The following PCDHGB1 variants were observed in gnomAD, a reference collection of about 807,000 sequenced individuals.
PCDHGB1 encodes the protein protocadherin gamma-B1.
Under a neutral mutation model 56.6 loss-of-function variants are expected in PCDHGB1, and 34 were observed. The ratio of observed to expected loss-of-function variants is 0.60; its 90% confidence interval spans 0.46 to 0.80. The LOEUF is 0.80. PCDHGB1 is among the 30% of genes least tolerant of loss of function. The pLI, the probability that PCDHGB1 is intolerant of heterozygous loss-of-function variation, is 0.00. For missense variants in PCDHGB1, 1,278 were observed against 1,204.6 expected, an observed-to-expected ratio of 1.06 and a Z score of -0.90; for synonymous variants, 561 against 505.9, an observed-to-expected ratio of 1.11 and a Z score of -1.46.
intron 1 of PCDHGB1, chr5:141,408,115 C>A (rs2095044760): frequency 9.6e-6 from 14 of 1,461,430 alleles, no homozygotes; most frequent in South Asian, 2.9e-5. Flanking sequence ...GGGACTCCTC[C>A]TGTCCTGGGC....
In PCDHGB1 at chr5:141,374,191, C is replaced by T. The variant is rs780279453; in HGVS notation, c.2409+21522C>T. 3.7e-6 allele frequency: 6 copies of T among 1,613,664 alleles called. No individual in the cohort carries two copies. In the East Asian group the frequency reaches 1.1e-4, roughly 30 times the overall value. Reference sequence around the variant, plus strand: ...CAGCGCAGATCCGCTACTCTATTCCCGAGGAGCTGGAGAAAGGCTCCTTCG... The same window carrying T: ...CAGCGCAGATCCGCTACTCTATTCCTGAGGAGCTGGAGAAAGGCTCCTTCG... On this transcript the variant is annotated intron_variant, in intron 1 of 3. Transcript: ENST00000523390.
At chr5:141,357,718 G>T in intron 1 of PCDHGB1, 1 of 1,437,468 alleles carries the variant, frequency 7.0e-7, no homozygotes, top group Middle Eastern at 1.8e-4. Context: ...AAATAAAGTT[G>T]CCTCTTTTAA....
chr5:141,497,775 A>G (rs2099779384), intron 2 of PCDHGB1, among the ~76,000 whole-genome samples: 2 of 152,054 alleles, frequency 1.3e-5, no homozygotes, highest in South Asian at 4.2e-4. Context: ...CCCGACCTCA[A>G]CTGATCCACC....
chr5:141,418,822 A>C (rs780172404), intron 1 of PCDHGB1: 9 of 1,613,988 alleles, frequency 5.6e-6, no homozygotes, highest in Non-Finnish European at 7.6e-6. Flanking sequence ...ACATAGAAGC[A>C]AAAGACCGAG....
chr5:141,375,925 A>G (rs369035619), intron 1 of PCDHGB1: 178 of 1,613,590 alleles, frequency 1.1e-4, no homozygotes, highest in Admixed American at 2.2e-4. Context: ...CCAGCGAGCC[A>G]GGACTTTTCT....
chr5:141,352,599 A>C lies in PCDHGB1; in HGVS notation c.2339A>C (p.Asp780Ala). The C allele has an allele frequency of 6.2e-7, 1 of 1,613,758 alleles. No homozygotes were observed. The highest frequency in any genetic ancestry group is 8.5e-7 in the Non-Finnish European group (1 of 1,179,806). ...MAPPQDLLCD[D>A]PSMVVCASNE... ...CCCCCTCAGGATCTGCTGTGTGATG[A>C]TCCTTCTATGGTTGTATGTGCCAGT... Residue 780 changes from aspartate (D) to alanine (A), a missense_variant, in exon 1 of 4, where the codon GAT (aspartate) becomes GCT (alanine). By Grantham distance (126) the Asp-to-Ala change is moderately radical (BLOSUM62 -2). Transcript: ENST00000523390.
Position 141,490,924 on chromosome 5 carries a change from C to A in PCDHGB1, c.2410-3883C>A. 1 of 1,613,680 alleles carries A rather than the reference C, an allele frequency of 6.2e-7. No individual in the cohort carries two copies. Among genetic ancestry groups the A allele is most frequent in the Non-Finnish European group, 8.5e-7 (1 of 1,179,694 alleles). On this transcript the variant is annotated intron_variant, in intron 1 of 3. Coordinates refer to ENST00000523390, the MANE Select transcript of PCDHGB1 (RefSeq NM_018922.3). The surrounding 1 kb of genome is among the most constrained non-coding windows in gnomAD (Gnocchi z 5.4). ...TGTCCTAGACGAGAATGATAATGCC[C>A]CAGCTGTGCTGCACCCACGGCCAGA...
chr5:141,419,644 CG>C (rs1418985518), intron 1 of PCDHGB1: 2 of 1,612,396 alleles, frequency 1.2e-6, no homozygotes, highest in Non-Finnish European at 1.7e-6. Flanking sequence ...TGGCCGTGGA[CG>C]CGGACTCGGG....
intron 1 of PCDHGB1, among the ~76,000 whole-genome samples, chr5:141,380,667 T>G (rs552117625): frequency 1.1e-4 from 16 of 152,362 alleles, no homozygotes; most frequent in African/African-American, 3.6e-4. Flanking sequence ...ATTTACTCCA[T>G]AGGGTATGTA....
chr5:141,509,143 C>G (rs1022878562), intron 3 of PCDHGB1, among the ~76,000 whole-genome samples: 1 of 152,256 alleles, frequency 6.6e-6, no homozygotes, highest in African/African-American at 2.4e-5. Context: ...AGGCGCATCC[C>G]GGCTCTCCCC....
chr5:141,355,819 G>A (rs757822946), intron 1 of PCDHGB1: 2 of 1,613,058 alleles, frequency 1.2e-6, no homozygotes, highest in Middle Eastern at 1.6e-4. Context: ...GGAAGAGGCG[G>A]TTCACCACCT....
chr5:141,364,866 C>T (rs749361969), intron 1 of PCDHGB1: 1 of 1,614,016 alleles, frequency 6.2e-7, no homozygotes, highest in Non-Finnish European at 8.5e-7. Context: ...CTGCACTTCT[C>T]TCTGGATGTG....
chr5:141,390,053 C>G, intron 1 of PCDHGB1: 1 of 1,614,066 alleles, frequency 6.2e-7, no homozygotes, highest in Non-Finnish European at 8.5e-7. Context: ...CCTCCTGGAG[C>G]TGCTTCCAGC....
At chr5:141,416,274 A>G (rs2096010347) in intron 1 of PCDHGB1, 2 of 152,404 alleles carry the variant, frequency 1.3e-5, no homozygotes, top group Non-Finnish European at 1.5e-5. Flanking sequence ...CTTTTTGCAT[A>G]CAATTCTCTA....
chr5:141,477,162 C>A lies in PCDHGB1; in HGVS notation c.2410-17645C>A, dbSNP rs147392557. ...GAGGTTGTGGATGTGAATGACAACG[C>A]CCCGGAGATCACAGTCACCTCCGTG... On this transcript the variant is annotated intron_variant, in intron 1 of 3. Transcript: ENST00000523390. This position sits in a 1 kb window ranked among gnomAD's most constrained non-coding sequence, Gnocchi z 4.9. 3.5e-5 allele frequency: 57 copies of A among 1,614,162 alleles called. No homozygotes were observed. The Middle Eastern group carries it at 9.9e-4, about 28-fold the overall frequency.
chr5:141,463,125 G>A (rs2099053159), intron 1 of PCDHGB1, among the ~76,000 whole-genome samples: 3 of 152,192 alleles, frequency 2.0e-5, no homozygotes, highest in East Asian at 1.9e-4. Context: ...ATAGCTCCCT[G>A]GCAGTTCTTC....
intron 1 of PCDHGB1, chr5:141,357,234 C>T: frequency 6.2e-7 from 1 of 1,613,880 alleles, no homozygotes; most frequent in Non-Finnish European, 8.5e-7. Flanking sequence ...TGGGCAGCCT[C>T]AAGCCTTCAG....
At position 141,378,204 on chromosome 5, in the gene PCDHGB1, T is replaced by C. The variant is rs1335712124; in HGVS notation, c.2409+25535T>C. On this transcript the variant is annotated intron_variant, in intron 1 of 3. Coordinates refer to ENST00000523390, the MANE Select transcript of PCDHGB1 (RefSeq NM_018922.3). ...TGCTGTGTGCCTACTACAGTGTCTT[T>C]TGCATACTGTGTGCCTGATAGTATT... The C allele has an allele frequency of 1.4e-4, 22 of 152,240 alleles. 1 individual carries two copies. Among genetic ancestry groups the C allele is most frequent in the Admixed American group, 1.4e-3 (22 of 15,288 alleles). The allele number at this position is 152,240 out of a possible 1,614,324, so 9.4% of individuals were successfully genotyped here.
At chr5:141,412,948 G>A in intron 1 of PCDHGB1, 1 of 468,334 alleles carries the variant, frequency 2.1e-6, no homozygotes, top group Non-Finnish European at 3.7e-6. Context: ...TCTGAGCGCC[G>A]CTGTTCACCT....
Sources: allele counts gnomAD v4.1 joint callset (sites outside exome capture counted in the v4.1 genomes callset), GRCh38; gene constraint gnomAD v4.1.1; non-coding constraint Gnocchi (gnomAD v3.1); transcripts MANE v1.5; gene names NCBI Gene and HGNC (gene_info 2026-07-23, HGNC 2026-07-21).